Variants in DBNDD1 observed in about 807,000 individuals in gnomAD.
The protein encoded by DBNDD1 is dysbindin domain containing 1.
DBNDD1 carries 14 observed loss-of-function variants against 17.0 expected under a neutral mutation model. The ratio of observed to expected loss-of-function variants is 0.82; its 90% CI spans 0.54 to 1.29. DBNDD1 has a LOEUF of 1.29. Ranked by LOEUF, DBNDD1 falls within the 50% of genes most tolerant of loss-of-function variation. The pLI, the probability that DBNDD1 is intolerant of heterozygous loss-of-function variation, is 0.00. For synonymous variants in DBNDD1, 105 were observed against 102.0 expected, an observed-to-expected ratio of 1.03 and a Z score of -0.18; for missense variants, 221 against 216.2, an observed-to-expected ratio of 1.02 and a Z score of -0.14.
rs1022772804 is a variant in DBNDD1 at position 90,019,285 on chromosome 16, G to T, written c.31+26C>A. 5.0e-6 allele frequency: 6 copies of T among 1,195,952 alleles called. No homozygotes were observed. Among genetic ancestry groups the T allele is most frequent in the Admixed American group, 8.6e-5 (2 of 23,266 alleles). The allele number at this position is 1,195,952 out of a possible 1,614,324, so 74.1% of individuals were successfully genotyped here. On this transcript the variant is annotated intron_variant, in intron 1 of 3. Transcript: ENST00000002501. This position sits in a 1 kb window ranked among gnomAD's most constrained non-coding sequence, Gnocchi z 6.1. ...CGCTGCGGGGAAGCGCTGCGCGGGG[G>T]TCTCGGGGGCTGGGGCTGAACTCAC...
intron 1 of DBNDD1, chr16:90,009,810 G>T: frequency 2.4e-6 from 2 of 818,872 alleles, no homozygotes; most frequent in Non-Finnish European, 3.8e-6. Flanking sequence ...TCCCCTGAAG[G>T]ATCGCCCATG....
At chr16:90,013,694 C>T (rs934744601) in intron 1 of DBNDD1, among the ~76,000 whole-genome samples, 22 of 152,220 alleles carry the variant, frequency 1.4e-4, no homozygotes, top group Non-Finnish European at 3.2e-4. Flanking sequence ...CGGGGCCCCT[C>T]ATCTAGACGA....
At chr16:90,019,712 G>A (rs2035743111), upstream of DBNDD1, 4 of 600,932 alleles carry the variant, frequency 6.7e-6, no homozygotes, top group Non-Finnish European at 1.2e-5. The surrounding 1 kb of genome is among the most constrained non-coding windows in gnomAD (Gnocchi z 6.1). Context: ...GGCGTCCGGG[G>A]CTCCTGCGCA....
intron 1 of DBNDD1, among the ~76,000 whole-genome samples, chr16:90,015,431 T>A (rs1173439006): frequency 6.6e-6 from 1 of 152,196 alleles, no homozygotes; most frequent in Non-Finnish European, 1.5e-5. Flanking sequence ...ACCATATCAG[T>A]AAAGTTCTGG....
rs1218542452 is a variant in DBNDD1 at position 90,019,068 on chromosome 16, C to T, written c.31+243G>A. On this transcript the variant is annotated intron_variant, in intron 1 of 3. Coordinates refer to ENST00000002501, the MANE Select transcript of DBNDD1 (RefSeq NM_001042610.3). The surrounding 1 kb of genome is among the most constrained non-coding windows in gnomAD (Gnocchi z 6.1). ...TCCGGGCCACCCACCAAGGAGCGTG[C>T]CGGGCACGGCTTCCCGGGCCGGGAG... Among the ~76,000 whole-genome samples, 1 of 152,176 alleles carries T rather than the reference C, an allele frequency of 6.6e-6. No homozygotes were observed. Among genetic ancestry groups the T allele is most frequent in the African/African-American group, 2.4e-5 (1 of 41,464 alleles).
chr16:90,017,595 G>A (rs1240668869), intron 1 of DBNDD1, among the ~76,000 whole-genome samples: 5 of 152,230 alleles, frequency 3.3e-5, no homozygotes, highest in Non-Finnish European at 7.3e-5. Context: ...GGAGGTTGGT[G>A]GTAGTCTGGA....
chr16:90,019,675 C>T, upstream of DBNDD1: 3 of 533,664 alleles, frequency 5.6e-6, no homozygotes, highest in Non-Finnish European at 9.8e-6. The surrounding 1 kb of genome is among the most constrained non-coding windows in gnomAD (Gnocchi z 6.1). Context: ...CCACCGGGAC[C>T]TGGCTGCGCC....
At chr16:90,017,960 T>C (rs1376830732) in intron 1 of DBNDD1, among the ~76,000 whole-genome samples, 1 of 152,240 alleles carries the variant, frequency 6.6e-6, no homozygotes, top group Non-Finnish European at 1.5e-5. Context: ...CTGAACCTGC[T>C]TTCTCTGCCT....
intron 1 of DBNDD1, among the ~76,000 whole-genome samples, chr16:90,011,250 G>A (rs1480882792): frequency 6.6e-6 from 1 of 152,234 alleles, no homozygotes; most frequent in Non-Finnish European, 1.5e-5. Flanking sequence ...CACAGCGCCA[G>A]CAGCTGCCTG....
At chr16:90,019,785 C>A (rs1477856124), upstream of DBNDD1, 2 of 691,132 alleles carry the variant, frequency 2.9e-6, no homozygotes, top group East Asian at 5.5e-5. This position sits in a 1 kb window ranked among gnomAD's most constrained non-coding sequence, Gnocchi z 6.1. Flanking sequence ...GCGTGTGGGG[C>A]GCCGACTGTG....
rs1236646020 is a variant in DBNDD1, at chr16:90,008,886, C to T, written c.217G>A (p.Asp73Asn). 10 of 1,588,926 alleles carry T rather than the reference C, an allele frequency of 6.3e-6. No individual in the cohort carries two copies. The highest frequency in any genetic ancestry group is 4.3e-6 in the Non-Finnish European group (5 of 1,164,674). The change falls in exon 3 of 4, where the codon GAC (aspartate) becomes AAC (asparagine). Residue 73 changes from aspartate (D) to asparagine (N), a missense_variant. Transcript: ENST00000002501. ...SSVSSLEVHF[D>N]LLDLTELTDM... Reference sequence around the variant, plus strand: ...GTGAGCTCAGTGAGGTCCAGGAGGTCGAAGTGGACCTCCAGAGAGGAGACG... The same window carrying T: ...GTGAGCTCAGTGAGGTCCAGGAGGTTGAAGTGGACCTCCAGAGAGGAGACG...
At chr16:90,017,111 G>A (rs1567836775) in intron 1 of DBNDD1, among the ~76,000 whole-genome samples, 1 of 152,234 alleles carries the variant, frequency 6.6e-6, no homozygotes, top group Non-Finnish European at 1.5e-5. Context: ...ACATTCCTGT[G>A]CACACGTGCA....
chr16:90,006,478 G>A lies in DBNDD1; in HGVS notation c.334C>T (p.Pro112Ser), dbSNP rs1415184926. Residue 112 changes from proline to serine, a missense_variant, in exon 4 of 4, where the codon CCC (proline) becomes TCC (serine). Pro to Ser is a moderately conservative substitution (Grantham distance 74). Transcript: ENST00000002501. ...GGGGAGCGCAGGTAGCCGGCCCGGG[G>A]CAGCGGGTGCAGACCTAGGGGCATG... ...TESPAGLHPL[P>S]RAGYLRSPSW... 3.8e-6 allele frequency: 6 copies of A among 1,598,544 alleles called. No individual in the cohort carries two copies. The highest frequency in any genetic ancestry group is 5.1e-6 in the Non-Finnish European group (6 of 1,179,686).
chr16:90,019,629 G>T (rs1178296691), upstream of DBNDD1: 2 of 407,412 alleles, frequency 4.9e-6, no homozygotes, highest in Non-Finnish European at 8.6e-6. The surrounding 1 kb of genome is among the most constrained non-coding windows in gnomAD (Gnocchi z 6.1). Context: ...CTCCCCCGCC[G>T]ACCCTTCCCT....
At chr16:90,014,119 AATT>A (rs1213430641) in intron 1 of DBNDD1, among the ~76,000 whole-genome samples, 2 of 151,510 alleles carry the variant, frequency 1.3e-5, no homozygotes, top group African/African-American at 2.4e-5. Flanking sequence ...TGAATTTTTA[AATT>A]ATTATTATTA....
chr16:90,013,931 G>A (rs1419679278), intron 1 of DBNDD1, among the ~76,000 whole-genome samples: 7 of 150,840 alleles, frequency 4.6e-5, no homozygotes, highest in South Asian at 4.2e-4. Context: ...TGGGTGGGGC[G>A]GGGGGGGACA....
intron 1 of DBNDD1, 52 bp from the exon 2 acceptor site, chr16:90,009,482 C>T (rs756807572): frequency 2.5e-6 from 4 of 1,597,546 alleles, no homozygotes; most frequent in Admixed American, 1.7e-5. Flanking sequence ...TCCCACATCC[C>T]CCCAGGACGC....
chr16:90,013,601 G>A (rs1701148948), intron 1 of DBNDD1, among the ~76,000 whole-genome samples: 1 of 152,150 alleles, frequency 6.6e-6, no homozygotes, highest in South Asian at 2.1e-4. Flanking sequence ...AGGTTCCCTG[G>A]GTCCTGACCT....
intron 1 of DBNDD1, among the ~76,000 whole-genome samples, chr16:90,016,231 T>C (rs1201146464): frequency 3.3e-5 from 5 of 152,034 alleles, no homozygotes; most frequent in African/African-American, 7.3e-5. Flanking sequence ...TAGCGCACAG[T>C]AGGTGCGCAG....
Sources: allele counts gnomAD v4.1 joint callset (sites outside exome capture counted in the v4.1 genomes callset), GRCh38; gene constraint gnomAD v4.1.1; non-coding constraint Gnocchi (gnomAD v3.1); transcripts MANE v1.5; gene names NCBI Gene and HGNC (gene_info 2026-07-23, HGNC 2026-07-21).